ADD2: variants seen among roughly 807,000 people sequenced by gnomAD.
ADD2 encodes beta-adducin.
Under a neutral mutation model 83.0 loss-of-function variants are expected in ADD2, and 23 were observed. The ratio of observed to expected loss-of-function variants is 0.28; its 90% confidence interval spans 0.20 to 0.39. The LOEUF is 0.39. ADD2 is among the 10% of genes least tolerant of loss of function. The probability of loss-of-function intolerance (pLI) is 1.00; values close to 1 mark genes in which losing one functional copy is unlikely to be tolerated. For missense variants in ADD2, 758 were observed against 944.9 expected, an observed-to-expected ratio of 0.80 and a Z score of 2.59; for synonymous variants, 375 against 375.4, an observed-to-expected ratio of 1.00 and a Z score of 0.01.
rs563097492 is a variant in ADD2, at chr2:70,706,092, G to A, written c.183+134C>T. 11 of 910,084 alleles carry A rather than the reference G, an allele frequency of 1.2e-5. No homozygotes were observed. The highest frequency in any genetic ancestry group is 7.0e-4 in the Middle Eastern group (2 of 2,852). 56.4% of individuals were successfully genotyped at this position (910,084 alleles called of 1,614,324 possible). On this transcript the variant is annotated intron_variant, in intron 3 of 15. Transcript: ENST00000264436. The surrounding 1 kb of genome is among the most constrained non-coding windows in gnomAD (Gnocchi z 5.0). The stretch of plus-strand genomic sequence containing the variant: ...GTCAAGGCCCCAGGTGACCAGATCC[G>A]TCTTGCTCAGTGGGCTTACATTTCT...
At chr2:70,678,668 C>A (rs1262457041) in intron 11 of ADD2, 36 bp downstream of exon 11, 7 of 1,512,360 alleles carry the variant, frequency 4.6e-6, no homozygotes, top group Non-Finnish European at 6.2e-6. Context: ...GCAGCCTGCC[C>A]CTCTCTGCCC....
At chr2:70,753,422 G>T (rs562045659) in intron 1 of ADD2, among the ~76,000 whole-genome samples, 1 of 152,116 alleles carries the variant, frequency 6.6e-6, no homozygotes, top group Non-Finnish European at 1.5e-5. Context: ...ATGGGAGGAG[G>T]GGGGAAGGAA....
At position 70,699,586 on chromosome 2, in the gene ADD2, C is replaced by T. The variant is rs551922569; in HGVS notation, c.323-3190G>A. On this transcript the variant is annotated intron_variant, in intron 4 of 15. Coordinates refer to ENST00000264436, the MANE Select transcript of ADD2 (RefSeq NM_001617.4). ...CTTGAGCCTAGGAGTTTCAGACCAG[C>T]CTGGGCAACACAGTGAGAACTCGTC... 6.0e-4 allele frequency among the ~76,000 whole-genome samples: 92 copies of T among 152,286 alleles called. 2 individuals carry two copies. Among genetic ancestry groups the T allele is most frequent in the Admixed American group, 6.0e-3 (92 of 15,304 alleles).
At chr2:70,710,817 G>A (rs547153763) in intron 2 of ADD2, among the ~76,000 whole-genome samples, 1 of 152,330 alleles carries the variant, frequency 6.6e-6, no homozygotes, top group African/African-American at 2.4e-5. Flanking sequence ...GAGGATTAGT[G>A]AAGTTAATGT....
In ADD2 at chr2:70,676,359, A is replaced by C; in HGVS notation, c.1593+437T>G. 9.3e-7 allele frequency: 1 copy of C among 1,079,164 alleles called. No homozygotes were observed. The highest frequency in any genetic ancestry group is 1.1e-6 in the Non-Finnish European group (1 of 889,562). The allele number at this position is 1,079,164 out of a possible 1,614,324, so 66.8% of individuals were successfully genotyped here. A position where few individuals can be genotyped will look rare whatever the true frequency, so the allele number is the denominator to read the frequency against. ...CTATATACCCCTTCTCTATGGGTAC[A>C]TGATCATCTTTCCAGAGCTCTGGTT... On this transcript the variant is annotated intron_variant, in intron 13 of 15. Transcript: ENST00000264436. This position sits in a 1 kb window ranked among gnomAD's most constrained non-coding sequence, Gnocchi z 4.8.
At chr2:70,712,286 A>G (rs1672218056) in intron 2 of ADD2, among the ~76,000 whole-genome samples, 1 of 151,966 alleles carries the variant, frequency 6.6e-6, no homozygotes, top group Non-Finnish European at 1.5e-5. Flanking sequence ...TCTATTAAAA[A>G]TACAAAAATT....
chr2:70,739,272 T>G (rs11679211), intron 1 of ADD2, among the ~76,000 whole-genome samples: 15 of 152,080 alleles, frequency 9.9e-5, no homozygotes, highest in Admixed American at 3.3e-4. Flanking sequence ...CCAACAAGCA[T>G]ATGAAAAAAA....
At chr2:70,728,677 C>T (rs192077380) in intron 1 of ADD2, among the ~76,000 whole-genome samples, 171 of 152,336 alleles carry the variant, frequency 1.1e-3, no homozygotes, top group Middle Eastern at 3.4e-3. Context: ...TTTGCACAGA[C>T]AGTAACCATC....
chr2:70,730,734 G>T (rs1280268392), intron 1 of ADD2, among the ~76,000 whole-genome samples: 3 of 152,196 alleles, frequency 2.0e-5, no homozygotes, highest in African/African-American at 7.2e-5. Context: ...ATATGTGATG[G>T]TGGTCCCATA....
chr2:70,721,265 C>T (rs1672714787), intron 1 of ADD2, among the ~76,000 whole-genome samples: 1 of 152,184 alleles, frequency 6.6e-6, no homozygotes, highest in South Asian at 2.1e-4. Flanking sequence ...GCAAAATTCA[C>T]ATGGATTTTA....
intron 1 of ADD2, among the ~76,000 whole-genome samples, chr2:70,763,217 C>A (rs1675207685): frequency 6.6e-6 from 1 of 151,940 alleles, no homozygotes; most frequent in East Asian, 1.9e-4. Flanking sequence ...GGAAGACAGA[C>A]CGGGATGAAA....
chr2:70,742,691 T>C (rs2104504789), intron 1 of ADD2, among the ~76,000 whole-genome samples: 1 of 152,286 alleles, frequency 6.6e-6, no homozygotes, highest in Non-Finnish European at 1.5e-5. Flanking sequence ...GTAGCCATTA[T>C]CTGTCTTTGG....
chr2:70,675,290 A>G, intron 13 of ADD2: 1 of 996,034 alleles, frequency 1.0e-6, no homozygotes, highest in Non-Finnish European at 1.2e-6. Context: ...ACACAGCATT[A>G]AGTTATATGC....
At chr2:70,711,431 C>T (rs1229365383) in intron 2 of ADD2, among the ~76,000 whole-genome samples, 2 of 152,074 alleles carry the variant, frequency 1.3e-5, no homozygotes, top group Admixed American at 6.5e-5. Flanking sequence ...CTCCACCCCC[C>T]ACCAATCCCG....
At chr2:70,745,575 C>T (rs1207489916) in intron 1 of ADD2, among the ~76,000 whole-genome samples, 1 of 152,178 alleles carries the variant, frequency 6.6e-6, no homozygotes, top group Non-Finnish European at 1.5e-5. Context: ...AAAAATGGCA[C>T]GTGCTGGGAA....
chr2:70,738,488 C>G (rs2863800), intron 1 of ADD2, among the ~76,000 whole-genome samples: 2,820 of 152,216 alleles, frequency 0.019, 73 homozygotes, highest in Admixed American at 0.073. Flanking sequence ...TTTATTCCAC[C>G]CTCACTGCCT....
In ADD2 at chr2:70,681,228, G is replaced by A. The variant is rs928622185; in HGVS notation, c.1126-2267C>T. On this transcript the variant is annotated intron_variant, in intron 10 of 15. Coordinates refer to ENST00000264436, the MANE Select transcript of ADD2 (RefSeq NM_001617.4). ...ATTTCTGACAACTGGATGGCTCTGGGACTCAGTCAGTTCTGTGGCCCTACC... is the reference window on the plus strand; with the variant it reads ...ATTTCTGACAACTGGATGGCTCTGGAACTCAGTCAGTTCTGTGGCCCTACC... 2.6e-5 allele frequency among the ~76,000 whole-genome samples: 4 copies of A among 152,108 alleles called. No homozygotes were observed. The East Asian group carries it at 7.7e-4, about 29-fold the overall frequency.
At position 70,676,560 on chromosome 2, in the gene ADD2, A is replaced by G; in HGVS notation, c.1593+236T>C. Reference sequence around the variant, plus strand: ...AGCCGGCCGCATCACTCCTGCAGGCAGGCTGGGCTGCTGTTCTCCAGCCCA... The same window carrying G: ...AGCCGGCCGCATCACTCCTGCAGGCGGGCTGGGCTGCTGTTCTCCAGCCCA... On this transcript the variant is annotated intron_variant, in intron 13 of 15. Coordinates refer to ENST00000264436, the MANE Select transcript of ADD2 (RefSeq NM_001617.4). The surrounding 1 kb of genome is among the most constrained non-coding windows in gnomAD (Gnocchi z 4.8). 1 of 1,411,878 alleles carries G rather than the reference A, an allele frequency of 7.1e-7. No homozygotes were observed. The highest frequency in any genetic ancestry group is 9.3e-7 in the Non-Finnish European group (1 of 1,077,780). 87.5% of individuals were successfully genotyped at this position (1,411,878 alleles called of 1,614,324 possible). A position where few individuals can be genotyped will look rare whatever the true frequency, so the allele number is the denominator to read the frequency against.
At chr2:70,731,253 C>T (rs1673266740) in intron 1 of ADD2, among the ~76,000 whole-genome samples, 1 of 151,924 alleles carries the variant, frequency 6.6e-6, no homozygotes, top group Admixed American at 6.6e-5. Context: ...GAAATGTCTG[C>T]TTACCCAGGG....
Sources: gnomAD v4.1 joint callset for allele counts (sites outside exome capture counted in the v4.1 genomes callset) on GRCh38, gnomAD v4.1.1 for gene constraint, Gnocchi (gnomAD v3.1) non-coding constraint, MANE v1.5 for transcripts, NCBI Gene and HGNC (gene_info 2026-07-23, HGNC 2026-07-21) for gene names.